The following CPNE7 variants were observed in gnomAD, a reference collection of about 807,000 sequenced individuals.
The protein encoded by CPNE7 is copine 7.
A neutral mutation model predicts 66.5 loss-of-function variants in CPNE7; 78 were observed. That is an observed-to-expected ratio of 1.17 (90% CI 0.98 to 1.42). The LOEUF (loss-of-function observed/expected upper bound fraction) is 1.42. Ranked by LOEUF, CPNE7 falls within the 40% of genes most tolerant of loss-of-function variation. The pLI, the probability that CPNE7 is intolerant of heterozygous loss-of-function variation, is 0.00. For synonymous variants in CPNE7, 468 were observed against 336.7 expected (o/e 1.39, Z -4.27); for missense variants, 1,012 against 776.6 (o/e 1.30, Z -3.60).
chr16:89,596,557 G>A lies in CPNE7; in HGVS notation c.1613G>A (p.Arg538Lys). Reference protein sequence around the residue: ...PKQVVEYYSHRGLPPRSLGVP... With the variant: ...PKQVVEYYSHKGLPPRSLGVP... ...CAGGTGGTGGAGTACTACAGCCACA[G>A]AGGCCTGCCCCCGAGAAGCCTGGGT... Residue 538 changes from arginine to lysine, a missense_variant, in exon 15 of 15, where the codon AGA becomes AAA. Arg to Lys is a conservative substitution (Grantham distance 26). Coordinates refer to ENST00000319518, the MANE Select transcript of CPNE7 (RefSeq NM_153636.3). The A allele has an allele frequency of 6.2e-7, 1 of 1,609,516 alleles. No individual in the cohort carries two copies. Among genetic ancestry groups the A allele is most frequent in the Non-Finnish European group, 8.5e-7 (1 of 1,179,812 alleles).
chr16:89,588,020 T>A (rs144702804), intron 9 of CPNE7, among the ~76,000 whole-genome samples: 1 of 10,490 alleles, frequency 9.5e-5, no homozygotes, highest in Admixed American at 8.8e-4. Flanking sequence ...TACCCACAGA[T>A]ACACGGCCCC....
At position 89,596,477 on chromosome 16, in the gene CPNE7, C is replaced by T. The variant is rs549997289; in HGVS notation, c.1540-7C>T. On this transcript the variant is annotated splice_polypyrimidine_tract_variant and splice_region_variant and intron_variant, in intron 14 of 14. Coordinates refer to ENST00000319518, the MANE Select transcript of CPNE7 (RefSeq NM_153636.3). ...CCCAGAGGTAACTGCGTTGTCCCATCCTCCAGGCATCCCCTGCGGCGCTGG... is the reference window on the plus strand; with the variant it reads ...CCCAGAGGTAACTGCGTTGTCCCATTCTCCAGGCATCCCCTGCGGCGCTGG... 8.7e-6 allele frequency: 14 copies of T among 1,603,464 alleles called. No individual in the cohort carries two copies. Among genetic ancestry groups the T allele is most frequent in the South Asian group, 2.2e-5 (2 of 90,544 alleles).
intron 2 of CPNE7, among the ~76,000 whole-genome samples, chr16:89,583,230 C>T (rs865804273): frequency 2.6e-5 from 4 of 152,012 alleles, no homozygotes; most frequent in Non-Finnish European, 4.4e-5. Context: ...TTCTGCCGCC[C>T]GTGGCTACGT....
chr16:89,586,643 G>T (rs1486676384), intron 7 of CPNE7, 27 bp from the exon 8 acceptor site: 2 of 1,584,574 alleles, frequency 1.3e-6, no homozygotes, highest in African/African-American at 2.7e-5. Context: ...CACCACTCTG[G>T]GGGGCCTCTG....
chr16:89,584,746 G>A lies in CPNE7; in HGVS notation c.508-28G>A. On this transcript the variant is annotated intron_variant, in intron 4 of 14. Coordinates refer to ENST00000319518, the MANE Select transcript of CPNE7 (RefSeq NM_153636.3). The surrounding 1 kb of genome is among the most constrained non-coding windows in gnomAD (Gnocchi z 6.0). ...CCAAAGCCCGATCTCACAGTGCCTG[G>A]CCCAGCAGCCCTTGTGCCTCTCCCC... 1 of 1,575,296 alleles carries A rather than the reference G, an allele frequency of 6.3e-7. No individual in the cohort carries two copies. Among genetic ancestry groups the A allele is most frequent in the Non-Finnish European group, 8.7e-7 (1 of 1,147,154 alleles).
intron 9 of CPNE7, among the ~76,000 whole-genome samples, chr16:89,587,884 C>G (rs2059097880): frequency 1.4e-5 from 1 of 70,890 alleles, no homozygotes; most frequent in Non-Finnish European, 3.1e-5. Flanking sequence ...CCCCGTGTCA[C>G]CCGCGTGTCA....
chr16:89,584,720 T>C lies in CPNE7; in HGVS notation c.508-54T>C. ...TGGGAAACGACAAAGCCAGCTCCCA[T>C]CCAAAGCCCGATCTCACAGTGCCTG... On this transcript the variant is annotated intron_variant, in intron 4 of 14. Transcript: ENST00000319518. This position sits in a 1 kb window ranked among gnomAD's most constrained non-coding sequence, Gnocchi z 6.0. 2 of 1,396,138 alleles carry C rather than the reference T, an allele frequency of 1.4e-6. No individual in the cohort carries two copies. The highest frequency in any genetic ancestry group is 2.0e-6 in the Non-Finnish European group (2 of 991,162). The allele number at this position is 1,396,138 out of a possible 1,614,324, so 86.5% of individuals were successfully genotyped here. A position where few individuals can be genotyped will look rare whatever the true frequency, so the allele number is the denominator to read the frequency against.
Position 89,584,655 on chromosome 16 carries a change from G to A in CPNE7, c.508-119G>A. 1 of 743,550 alleles carries A rather than the reference G, an allele frequency of 1.3e-6. No individual in the cohort carries two copies. Among genetic ancestry groups the A allele is most frequent in the Non-Finnish European group, 2.3e-6 (1 of 433,240 alleles). The allele number at this position is 743,550 out of a possible 1,614,324, so 46.1% of individuals were successfully genotyped here. On this transcript the variant is annotated intron_variant, in intron 4 of 14. Transcript: ENST00000319518. The surrounding 1 kb of genome is among the most constrained non-coding windows in gnomAD (Gnocchi z 6.0). ...CGGCGGGGACTGGCTGCCTCGTTTT[G>A]TGCCTGAGGAATTAGCGGCTGGTGG...
intron 14 of CPNE7, among the ~76,000 whole-genome samples, chr16:89,596,247 C>G (rs948098848): frequency 6.6e-6 from 1 of 152,224 alleles, no homozygotes; most frequent in African/African-American, 2.4e-5. Flanking sequence ...GAGGTGGCCT[C>G]GCCTCCCGTG....
At chr16:89,591,297 G>C (rs911121595) in intron 13 of CPNE7, 37 bp downstream of exon 13, 2 of 1,524,342 alleles carry the variant, frequency 1.3e-6, no homozygotes, top group African/African-American at 1.4e-5. Context: ...GCTTGGTGTG[G>C]GGTCGGCTGT....
intron 9 of CPNE7, 126 bp from the exon 10 acceptor site, chr16:89,588,549 G>T: frequency 1.7e-6 from 2 of 1,201,562 alleles, no homozygotes; most frequent in Non-Finnish European, 2.4e-6. Context: ...CAGCCCCCCA[G>T]CCCTACCCAC....
chr16:89,588,693 G>T lies in CPNE7; in HGVS notation c.946G>T (p.Ala316Ser), dbSNP rs201931228. The T allele has an allele frequency of 3.1e-6, 5 of 1,613,224 alleles. No individual in the cohort carries two copies. The Admixed American group carries it at 8.3e-5, about 27-fold the overall frequency. Residue 316 changes from alanine to serine, a missense_variant, in exon 10 of 15, where the codon GCC (alanine) becomes TCC (serine). Ala to Ser is a moderately conservative substitution (Grantham distance 99). Transcript: ENST00000319518. ...IHFTVAIDFT[A>S]SNGDPRNSCS... is the part of the protein sequence containing the mutation. ...ACTGCAGGTGGCCATTGACTTCACC[G>T]CCTCCAATGGAGACCCGCGGAACAG...
chr16:89,592,385 C>T (rs1318169630), intron 13 of CPNE7, among the ~76,000 whole-genome samples: 1 of 151,526 alleles, frequency 6.6e-6, no homozygotes, highest in Non-Finnish European at 1.5e-5. Flanking sequence ...CCAACAGCTG[C>T]TCACACATTG....
chr16:89,580,291 C>T (rs1284048509), intron 2 of CPNE7, among the ~76,000 whole-genome samples: 4 of 136,398 alleles, frequency 2.9e-5, no homozygotes, highest in Non-Finnish European at 4.7e-5. Context: ...ACCCATCACA[C>T]GGAACATCCC....
At chr16:89,581,322 A>G (rs908135345) in intron 2 of CPNE7, among the ~76,000 whole-genome samples, 1 of 151,388 alleles carries the variant, frequency 6.6e-6, no homozygotes, top group Non-Finnish European at 1.5e-5. Context: ...CACACGGAAC[A>G]TCCCATCACC....
At chr16:89,588,833 C>T (rs373502342) in intron 10 of CPNE7, 25 bp downstream of exon 10, 85 of 1,608,440 alleles carry the variant, frequency 5.3e-5, no homozygotes, top group African/African-American at 8.1e-5. Context: ...TTCCCCTCAC[C>T]CCCTGGTCTC....
rs926001774 is a variant in CPNE7 at position 89,584,709 on chromosome 16, G to T, written c.508-65G>T. ...GAAGTGAGCCCTGGGAAACGACAAA[G>T]CCAGCTCCCATCCAAAGCCCGATCT... On this transcript the variant is annotated intron_variant, in intron 4 of 14. Coordinates refer to ENST00000319518, the MANE Select transcript of CPNE7 (RefSeq NM_153636.3). The surrounding 1 kb of genome is among the most constrained non-coding windows in gnomAD (Gnocchi z 6.0). 2 of 1,261,266 alleles carry T rather than the reference G, an allele frequency of 1.6e-6. No homozygotes were observed. The highest frequency in any genetic ancestry group is 2.3e-6 in the Non-Finnish European group (2 of 873,928). The allele number at this position is 1,261,266 out of a possible 1,614,324, so 78.1% of individuals were successfully genotyped here.
intron 13 of CPNE7, among the ~76,000 whole-genome samples, chr16:89,594,665 T>G (rs1597722979): frequency 9.6e-6 from 1 of 103,786 alleles, no homozygotes; most frequent in South Asian, 3.4e-4. Flanking sequence ...TTTTTTTTTT[T>G]TTTTTTGGAG....
chr16:89,595,785 T>C, intron 14 of CPNE7, 182 bp downstream of exon 14: 1 of 709,616 alleles, frequency 1.4e-6, no homozygotes, highest in Non-Finnish European at 2.6e-6. Context: ...TTTGAGCACC[T>C]GAAACACCCT....
Sources: gnomAD v4.1 joint callset for allele counts (sites outside exome capture counted in the v4.1 genomes callset) on GRCh38, gnomAD v4.1.1 for gene constraint, Gnocchi (gnomAD v3.1) non-coding constraint, MANE v1.5 for transcripts, NCBI Gene and HGNC (gene_info 2026-07-23, HGNC 2026-07-21) for gene names.